The following CIT variants were observed in gnomAD, a reference collection of about 807,000 sequenced individuals.
The protein encoded by CIT is citron Rho-interacting kinase.
Under a neutral mutation model 272.7 loss-of-function variants are expected in CIT, and 79 were observed. The observed-to-expected ratio is 0.29, with a 90% confidence interval of 0.24 to 0.35. The LOEUF (loss-of-function observed/expected upper bound fraction) is 0.35, where lower values mean the gene tolerates loss of function less well. Ranked by LOEUF, CIT falls within the 10% of genes least tolerant of loss-of-function variation. The pLI, the probability that CIT is intolerant of heterozygous loss-of-function variation, is 1.00. For synonymous variants in CIT, 948 were observed against 995.6 expected, an observed-to-expected ratio of 0.95 and a Z score of 0.90; for missense variants, 1,909 against 2,618.3, an observed-to-expected ratio of 0.73 and a Z score of 5.91.
intron 3 of CIT, among the ~76,000 whole-genome samples, chr12:119,865,602 G>A (rs1950490766): frequency 6.6e-6 from 1 of 152,188 alleles, no homozygotes; most frequent in Non-Finnish European, 1.5e-5. Context: ...GGGCGTGGTG[G>A]CTCATGCCTG....
chr12:119,690,778 G>T lies in CIT; in HGVS notation c.5883-324C>A, dbSNP rs1224445780. On this transcript the variant is annotated intron_variant, in intron 46 of 47. Coordinates refer to ENST00000392521, the MANE Select transcript of CIT (RefSeq NM_001206999.2). The surrounding 1 kb of genome is among the most constrained non-coding windows in gnomAD (Gnocchi z 6.0). ...ATCATCACAGCAGCTCCTGAGCTAT[G>T]AACAAGCATGACCCTCACTGTACAG... 6.6e-6 allele frequency among the ~76,000 whole-genome samples: 1 copy of T among 152,210 alleles called. No homozygotes were observed. The highest frequency in any genetic ancestry group is 2.1e-4 in the South Asian group (1 of 4,832).
rs556722808 is a variant in CIT, at chr12:119,714,546, C to A, written c.4169-212G>T. 2.0e-5 allele frequency among the ~76,000 whole-genome samples: 3 copies of A among 152,168 alleles called. No homozygotes were observed. The East Asian group carries it at 5.8e-4, about 29-fold the overall frequency. ...CCAAGAATTTAAATAGACACCTCCC[C>A]GAAGAGGATAAATGGCCAACGAGCA... On this transcript the variant is annotated intron_variant, in intron 32 of 47. Transcript: ENST00000392521.
chr12:119,765,514 A>G (rs566680760), intron 19 of CIT, among the ~76,000 whole-genome samples: 49 of 136,164 alleles, frequency 3.6e-4, no homozygotes, highest in Non-Finnish European at 6.7e-4. Flanking sequence ...TCTGTCACCC[A>G]GGCTGGAGTG....
intron 7 of CIT, among the ~76,000 whole-genome samples, chr12:119,830,317 C>A (rs182980751): frequency 3.0e-4 from 45 of 151,586 alleles, no homozygotes; most frequent in Middle Eastern, 6.8e-3. Flanking sequence ...ACCTGGGAGG[C>A]TCCCCACCTG....
At chr12:119,714,069 A>T in intron 33 of CIT, 128 bp downstream of exon 33, 2 of 1,056,046 alleles carry the variant, frequency 1.9e-6, no homozygotes, top group Non-Finnish European at 2.7e-6. Context: ...GCATCCTCCT[A>T]CTGAAGTAAG....
chr12:119,847,008 G>A (rs544145342), intron 5 of CIT, among the ~76,000 whole-genome samples: 19 of 149,976 alleles, frequency 1.3e-4, no homozygotes, highest in Non-Finnish European at 2.1e-4. Flanking sequence ...TTCTTGAGAC[G>A]GAGCCTCGCT....
At chr12:119,720,074 G>A (rs1029894560) in intron 30 of CIT, among the ~76,000 whole-genome samples, 2 of 152,168 alleles carry the variant, frequency 1.3e-5, no homozygotes, top group African/African-American at 4.8e-5. Flanking sequence ...CCTTTCTGGA[G>A]TGTGGTACGA....
At chr12:119,735,836 G>A (rs574448516) in intron 24 of CIT, among the ~76,000 whole-genome samples, 3 of 152,066 alleles carry the variant, frequency 2.0e-5, no homozygotes, top group Non-Finnish European at 4.4e-5. Context: ...AGGGAAAGAC[G>A]CCAGGAGTTA....
intron 7 of CIT, among the ~76,000 whole-genome samples, chr12:119,827,610 G>A (rs1440019221): frequency 6.6e-6 from 1 of 152,032 alleles, no homozygotes; most frequent in Non-Finnish European, 1.5e-5. Context: ...GATAATTTTT[G>A]TATTTTTAGT....
chr12:119,801,051 G>A (rs1041159235), intron 10 of CIT, among the ~76,000 whole-genome samples: 4 of 152,152 alleles, frequency 2.6e-5, no homozygotes, highest in Non-Finnish European at 4.4e-5. Context: ...TTGAAAAAAC[G>A]TTAAAGTTCC....
chr12:119,788,218 T>C (rs1964981551), intron 10 of CIT, among the ~76,000 whole-genome samples: 1 of 152,136 alleles, frequency 6.6e-6, no homozygotes, highest in South Asian at 2.1e-4. Context: ...GCCTGTTTTC[T>C]ACCTAAATCT....
chr12:119,753,268 C>T (rs1960485922), intron 22 of CIT, among the ~76,000 whole-genome samples: 1 of 152,154 alleles, frequency 6.6e-6, no homozygotes, highest in East Asian at 1.9e-4. Flanking sequence ...AAGGAGACCT[C>T]CAACCCAGCT....
chr12:119,712,109 T>C lies in CIT; in HGVS notation c.4854+69A>G, dbSNP rs1283847132. On this transcript the variant is annotated intron_variant, in intron 37 of 47. Transcript: ENST00000392521. The surrounding 1 kb of genome is among the most constrained non-coding windows in gnomAD (Gnocchi z 5.2). ...ATCAAAATGGCCAATGGGATTCTCGTCGTTAACACCAGTTACCAAGTCAGC... is the reference window on the plus strand; with the variant it reads ...ATCAAAATGGCCAATGGGATTCTCGCCGTTAACACCAGTTACCAAGTCAGC... The C allele has an allele frequency of 1.4e-5, 20 of 1,453,672 alleles. No homozygotes were observed. Among genetic ancestry groups the C allele is most frequent in the Middle Eastern group, 2.2e-4 (1 of 4,580 alleles). The allele number at this position is 1,453,672 out of a possible 1,614,324, so 90.0% of individuals were successfully genotyped here.
intron 2 of CIT, among the ~76,000 whole-genome samples, chr12:119,873,814 T>C (rs889065906): frequency 3.3e-5 from 5 of 151,886 alleles, no homozygotes; most frequent in African/African-American, 1.2e-4. Flanking sequence ...TACTTCATCA[T>C]TCATCATCTT....
chr12:119,836,284 TAAAAAAAAA>T (rs201559880), intron 5 of CIT, among the ~76,000 whole-genome samples: 4 of 42,260 alleles, frequency 9.5e-5, no homozygotes, highest in East Asian at 5.7e-4. Context: ...AGACTCCATC[TAAAAAAAAA>T]AAAAAAAAAA....
At chr12:119,821,172 A>G (rs1344913125) in intron 9 of CIT, among the ~76,000 whole-genome samples, 2 of 151,702 alleles carry the variant, frequency 1.3e-5, no homozygotes, top group African/African-American at 4.8e-5. Flanking sequence ...GTGCATGCCT[A>G]TAATCCCAGC....
chr12:119,757,628 G>A (rs1216510531), intron 21 of CIT, 83 bp from the exon 22 acceptor site: 20 of 1,535,918 alleles, frequency 1.3e-5, no homozygotes, highest in East Asian at 4.5e-5. Context: ...AGACGGACAC[G>A]GAGTTAGACA....
intron 28 of CIT, among the ~76,000 whole-genome samples, chr12:119,722,605 C>T (rs2137151288): frequency 6.6e-6 from 1 of 152,106 alleles, no homozygotes; most frequent in East Asian, 1.9e-4. Flanking sequence ...TCTTACAGAC[C>T]CTGGTTTAAA....
intron 10 of CIT, 80 bp downstream of exon 10, chr12:119,803,126 C>T (rs1334293911): frequency 5.2e-6 from 1 of 193,046 alleles, no homozygotes; most frequent in East Asian, 1.3e-4. Flanking sequence ...CACCTATTCC[C>T]CCACCCCCCC....
Sources: gnomAD v4.1 joint callset for allele counts (sites outside exome capture counted in the v4.1 genomes callset) on GRCh38, gnomAD v4.1.1 for gene constraint, Gnocchi (gnomAD v3.1) non-coding constraint, MANE v1.5 for transcripts, NCBI Gene and HGNC (gene_info 2026-07-23, HGNC 2026-07-21) for gene names.